HNF4A: variants seen among roughly 807,000 people sequenced by gnomAD.
HNF4A encodes the protein hepatocyte nuclear factor 4-alpha.
In HNF4A, 15 loss-of-function variants were observed where a neutral mutation model predicts 52.4. The observed-to-expected ratio is 0.29, with a 90% CI of 0.19 to 0.44. The LOEUF (loss-of-function observed/expected upper bound fraction) is 0.44. Ranked by LOEUF, HNF4A falls within the 20% of genes least tolerant of loss-of-function variation. The pLI, the probability that HNF4A is intolerant of heterozygous loss-of-function variation, is 1.00. For synonymous variants in HNF4A, 280 were observed against 264.4 expected, an observed-to-expected ratio of 1.06 and a Z score of -0.57; for missense variants, 479 against 647.2, an observed-to-expected ratio of 0.74 and a Z score of 2.82.
chr20:44,401,304 C>T lies in HNF4A; in HGVS notation c.-69C>T, dbSNP rs2063403950. The T allele has an allele frequency of 2.4e-5, 16 of 655,326 alleles. No homozygotes were observed. The highest frequency in any genetic ancestry group is 3.7e-5 in the African/African-American group (2 of 53,502). 40.6% of individuals were successfully genotyped at this position (655,326 alleles called of 1,614,324 possible). ...GCACTGGGAGGAGGCAGTGGGAGGG[C>T]GGAGGGCGGGGGCCTTCGGGGTGGG... On this transcript the variant is annotated 5_prime_UTR_variant, in exon 1 of 10. Transcript: ENST00000316099.
At chr20:44,355,844 A>C (rs1372560432) in exon 1 of HNF4A, 1 of 1,612,600 alleles carries the variant, frequency 6.2e-7, no homozygotes, top group Non-Finnish European at 8.5e-7. Flanking sequence ...TCCAGTGGAG[A>C]GTTCTTACGG....
intron 3 of HNF4A, among the ~76,000 whole-genome samples, chr20:44,409,832 G>C (rs3212186): frequency 2.7e-4 from 26 of 95,162 alleles, no homozygotes; most frequent in African/African-American, 1.1e-3. Context: ...TTGTTCCCTG[G>C]TCCCTTCTTT....
At chr20:44,364,200 G>A (rs911656744) in intron 1 of HNF4A, among the ~76,000 whole-genome samples, 1 of 151,940 alleles carries the variant, frequency 6.6e-6, no homozygotes, top group South Asian at 2.1e-4. Context: ...TTTGACTTTT[G>A]TATATTTCTT....
At chr20:44,390,661 T>C in intron 1 of HNF4A, 1 of 702,506 alleles carries the variant, frequency 1.4e-6, no homozygotes, top group Non-Finnish European at 2.6e-6. Flanking sequence ...GGGCCAGGGC[T>C]TCCCCCAGGA....
In HNF4A at chr20:44,370,082, G is replaced by A. The variant is rs191100012; in HGVS notation, c.49+14229G>A. Among the ~76,000 whole-genome samples the A allele has an allele frequency of 4.2e-3, 645 of 151,820 alleles. 5 individuals carry two copies. The highest frequency in any genetic ancestry group is 0.014 in the African/African-American group (595 of 41,408). On this transcript the variant is annotated intron_variant, in intron 1 of 9. Transcript: ENST00000316673. The stretch of plus-strand genomic sequence containing the variant: ...CACTCTTTCACCCAGGCTGGAGTGC[G>A]GTGGCGCGATCTCGGCTCACTGCAA...
chr20:44,358,690 A>T (rs1452006707), intron 1 of HNF4A, among the ~76,000 whole-genome samples: 1 of 152,210 alleles, frequency 6.6e-6, no homozygotes, highest in African/African-American at 2.4e-5. Flanking sequence ...GATAACATTA[A>T]TCATCTCCTA....
intron 1 of HNF4A, among the ~76,000 whole-genome samples, chr20:44,361,204 T>C (rs2062913281): frequency 6.6e-6 from 1 of 152,106 alleles, no homozygotes; most frequent in Non-Finnish European, 1.5e-5. Flanking sequence ...TTAAAACAAT[T>C]TTGGGGCTCC....
At chr20:44,388,755 G>C (rs1266623997) in intron 1 of HNF4A, among the ~76,000 whole-genome samples, 1 of 152,202 alleles carries the variant, frequency 6.6e-6, no homozygotes, top group Admixed American at 6.5e-5. Context: ...CGCCTCCTCC[G>C]GGACGCCCTC....
chr20:44,362,000 C>G (rs73109984), intron 1 of HNF4A, among the ~76,000 whole-genome samples: 24,607 of 152,092 alleles, frequency 0.16, 2,392 homozygotes, highest in Middle Eastern at 0.26. Context: ...GGCCTGGAGC[C>G]TGGCCACACA....
Position 44,364,641 on chromosome 20 carries a change from T to C in HNF4A, c.49+8788T>C, listed in dbSNP as rs567905170. On this transcript the variant is annotated intron_variant, in intron 1 of 9. Transcript: ENST00000316673. Reference sequence around the variant, plus strand: ...CCCACCACCGCGGCCAGCTACTTTTTGTATTTTTACTAGAGACGGACTTTC... The same window carrying C: ...CCCACCACCGCGGCCAGCTACTTTTCGTATTTTTACTAGAGACGGACTTTC... Among the ~76,000 whole-genome samples the C allele has an allele frequency of 5.9e-5, 9 of 152,220 alleles. No individual in the cohort carries two copies. In the South Asian group the frequency reaches 8.3e-4, roughly 14 times the overall value.
At position 44,429,593 on chromosome 20, in the gene HNF4A, A is replaced by G. The variant is rs2063852685; in HGVS notation, c.1353A>G (p.Gly451=). The change falls in exon 10 of 10, where the codon GGA becomes GGG. Residue 451 remains glycine (G), a synonymous_variant. Transcript: ENST00000316099. ...CTGAGCCCTATAAGCTCCTGCCGGG[A>G]GCCGTCGCCACAATCGTCAAGCCCC... is the stretch of plus-strand genomic sequence containing the variant. 4 of 1,613,800 alleles carry G rather than the reference A, an allele frequency of 2.5e-6. No homozygotes were observed. Among genetic ancestry groups the G allele is most frequent in the South Asian group, 2.2e-5 (2 of 91,072 alleles).
At chr20:44,427,603 G>A (rs2063828392) in intron 8 of HNF4A, among the ~76,000 whole-genome samples, 1 of 152,192 alleles carries the variant, frequency 6.6e-6, no homozygotes, top group Non-Finnish European at 1.5e-5. Context: ...CCTGACATAT[G>A]TTTGAAGCGG....
chr20:44,387,462 G>A (rs2063239892), intron 1 of HNF4A, among the ~76,000 whole-genome samples: 3 of 151,288 alleles, frequency 2.0e-5, no homozygotes, highest in Admixed American at 1.3e-4. Context: ...AAAAACAAGG[G>A]CGTGCATGGC....
At chr20:44,401,518 CA>C in intron 1 of HNF4A, 1 of 1,613,632 alleles carries the variant, frequency 6.2e-7, no homozygotes, top group East Asian at 2.2e-5. Context: ...CCAGGTGTGC[CA>C]GTGGGGGCAG....
chr20:44,411,930 G>A (rs1001236777), intron 3 of HNF4A, among the ~76,000 whole-genome samples: 1 of 151,582 alleles, frequency 6.6e-6, no homozygotes, highest in South Asian at 2.1e-4. Context: ...GGTGGCACAC[G>A]CCTATAATCC....
intron 1 of HNF4A, among the ~76,000 whole-genome samples, chr20:44,374,376 G>T (rs1428374149): frequency 6.6e-6 from 1 of 151,910 alleles, no homozygotes; most frequent in Non-Finnish European, 1.5e-5. Context: ...CCCTTTTATG[G>T]CTGCATACTA....
rs1216991915 is a variant in HNF4A at position 44,424,230 on chromosome 20, C to T, written c.1105C>T (p.Leu369=). The T allele has an allele frequency of 6.2e-7, 1 of 1,613,962 alleles. No individual in the cohort carries two copies. The highest frequency in any genetic ancestry group is 1.3e-5 in the African/African-American group (1 of 74,942). ...CTTCGGCATGGCCAAGATTGACAAC[C>T]TGTTGCAGGAGATGCTGCTGGGAGG... The change falls in exon 8 of 10, where the codon CTG becomes TTG. Residue 369 remains leucine (L), a synonymous_variant. Transcript: ENST00000316099.
chr20:44,388,378 CCCA>C lies in HNF4A; in HGVS notation c.50-17677_50-17675del, dbSNP rs374047096. Among the ~76,000 whole-genome samples, 391 of 115,076 alleles carry C rather than the reference CCCA, an allele frequency of 3.4e-3. 106 individuals carry two copies. In the East Asian group the frequency reaches 0.087, roughly 26 times the overall value. 75.5% of individuals were successfully genotyped at this position (115,076 alleles called of 152,430 possible). A position where few individuals can be genotyped will look rare whatever the true frequency, so the allele number is the denominator to read the frequency against. On this transcript the variant is annotated intron_variant, in intron 1 of 9. Transcript: ENST00000316673. ...CCTGGAACCTTCCTCAAAGACCCCCCCCACCCCCGTACATTGGAACAAGGTGCT... is the reference window on the plus strand; with the variant it reads ...CCTGGAACCTTCCTCAAAGACCCCCCCCCCCGTACATTGGAACAAGGTGCT...
At chr20:44,421,354 C>T (rs1464191259) in intron 7 of HNF4A, among the ~76,000 whole-genome samples, 3 of 152,152 alleles carry the variant, frequency 2.0e-5, no homozygotes, top group African/African-American at 7.2e-5. Flanking sequence ...TCAAAGGTGC[C>T]TGAACTCTGG....
Sources: allele counts gnomAD v4.1 joint callset (sites outside exome capture counted in the v4.1 genomes callset), GRCh38; gene constraint gnomAD v4.1.1; transcripts MANE v1.5; gene names NCBI Gene and HGNC (gene_info 2026-07-23, HGNC 2026-07-21).